Variants in FYB2 observed in about 807,000 individuals in gnomAD.
FYB2 encodes the protein FYN-binding protein 2.
In FYB2, 103 loss-of-function variants were observed where a neutral mutation model predicts 94.1. That is an observed-to-expected ratio of 1.09 (90% confidence interval 0.93 to 1.29). The LOEUF is 1.29. FYB2 is among the 50% of genes most tolerant of loss of function. FYB2 has a pLI of 0.00. For missense variants in FYB2, 896 were observed against 841.5 expected, an observed-to-expected ratio of 1.06 and a Z score of -0.80; for synonymous variants, 293 against 287.9, an observed-to-expected ratio of 1.02 and a Z score of -0.18.
chr1:56,740,799 A>G lies in FYB2; in HGVS notation c.1605-4T>C, dbSNP rs774721651. 3 of 1,574,982 alleles carry G rather than the reference A, an allele frequency of 1.9e-6. No homozygotes were observed. Among genetic ancestry groups the G allele is most frequent in the Non-Finnish European group, 2.6e-6 (3 of 1,150,330 alleles). ...GAGTGCTTCTTTTCCATCTAAACTGAGAGGAATCACAGGATATAAGTAACA... is the reference window on the plus strand; with the variant it reads ...GAGTGCTTCTTTTCCATCTAAACTGGGAGGAATCACAGGATATAAGTAACA... On this transcript the variant is annotated splice_region_variant and splice_polypyrimidine_tract_variant and intron_variant, in intron 12 of 19. Transcript: ENST00000343433.
At chr1:56,821,587 A>T (rs1646992506), upstream of FYB2, among the ~76,000 whole-genome samples, 1 of 152,214 alleles carries the variant, frequency 6.6e-6, no homozygotes, top group Non-Finnish European at 1.5e-5. Context: ...GGCCATGGGA[A>T]AATCTCCTGA....
At position 56,751,113 on chromosome 1, in the gene FYB2, T is replaced by C. The variant is rs144488409; in HGVS notation, c.1318A>G (p.Met440Val). The C allele has an allele frequency of 1.1e-4, 182 of 1,612,938 alleles. No individual in the cohort carries two copies. In the African/African-American group the frequency reaches 2.1e-3, roughly 18 times the overall value. The stretch of plus-strand genomic sequence containing the variant: ...GGATTTGTCTGGATGATGTCAATCA[T>C]GGCCTCTTGCTTTCCAGCCAACATG... ...RNMLAGKQEA[M>V]IDIIQTNPCP... is the part of the protein sequence containing the mutation. Residue 440 changes from methionine (M) to valine (V), a missense_variant, in exon 9 of 20, where the codon ATG becomes GTG. Transcript: ENST00000343433.
At chr1:56,756,091 G>T (rs1570014574) in intron 6 of FYB2, among the ~76,000 whole-genome samples, 164 bp from the exon 7 acceptor site, 1 of 152,116 alleles carries the variant, frequency 6.6e-6, no homozygotes, top group Non-Finnish European at 1.5e-5. Flanking sequence ...AACTGTTGCA[G>T]TGGGGCTGAA....
chr1:56,818,233 C>T (rs763401321), intron 1 of FYB2, among the ~76,000 whole-genome samples: 4 of 151,940 alleles, frequency 2.6e-5, no homozygotes, highest in Non-Finnish European at 4.4e-5. Context: ...TACCAACATG[C>T]CCCTGCTCAC....
chr1:56,744,087 G>A lies in FYB2; in HGVS notation c.1503-21C>T, dbSNP rs757702396. 17 of 1,612,394 alleles carry A rather than the reference G, an allele frequency of 1.1e-5. No individual in the cohort carries two copies. The East Asian group carries it at 3.8e-4, about 36-fold the overall frequency. ...TCGGTCTATGGGAGAAAATAACAAA[G>A]ACCATTATTGTACCTTTAAAGTCTC... On this transcript the variant is annotated intron_variant, in intron 10 of 19. Coordinates refer to ENST00000343433, the MANE Select transcript of FYB2 (RefSeq NM_001004303.5).
chr1:56,769,536 TA>T (rs1645705043), intron 4 of FYB2, among the ~76,000 whole-genome samples: 1 of 152,302 alleles, frequency 6.6e-6, no homozygotes, highest in African/African-American at 2.4e-5. Context: ...GCTATACTAT[TA>T]TTTTCCATAA....
chr1:56,759,372 A>G (rs72668357), intron 5 of FYB2, among the ~76,000 whole-genome samples: 17,275 of 152,190 alleles, frequency 0.11, 1,170 homozygotes, highest in Admixed American at 0.2. Flanking sequence ...ACATACTTAT[A>G]CAAACCTAGA....
chr1:56,767,926 T>A lies in FYB2; in HGVS notation c.966A>T (p.Ala322=), dbSNP rs939234677. The change falls in exon 5 of 20, where the codon GCA becomes GCT. Residue 322 remains alanine (A), a synonymous_variant. Coordinates refer to ENST00000343433, the MANE Select transcript of FYB2 (RefSeq NM_001004303.5). ...GSLSPERLFN[A]EFEEPHNYEA... ...CGTAATTATGTGGTTCTTCAAATTC[T>A]GCATTGAAAAGCCTGGAGAAAAAAG... 11 of 1,600,224 alleles carry A rather than the reference T, an allele frequency of 6.9e-6. No individual in the cohort carries two copies. Among genetic ancestry groups the A allele is most frequent in the Middle Eastern group, 3.3e-4 (2 of 6,034 alleles).
rs183717909 is a variant in FYB2, at chr1:56,768,130, T to C, written c.954-192A>G. 7.9e-5 allele frequency among the ~76,000 whole-genome samples: 12 copies of C among 152,256 alleles called. No homozygotes were observed. In the East Asian group the frequency reaches 2.3e-3, roughly 29 times the overall value. On this transcript the variant is annotated intron_variant, in intron 4 of 19. Transcript: ENST00000343433. The stretch of plus-strand genomic sequence containing the variant: ...GATGAAAGATGGCAATGCAAAGACT[T>C]GTGTAAAGATTATACAGTCCACACA...
intron 2 of FYB2, among the ~76,000 whole-genome samples, chr1:56,789,718 A>C (rs1294139350): frequency 6.6e-6 from 1 of 152,108 alleles, no homozygotes; most frequent in Non-Finnish European, 1.5e-5. Context: ...GGCACATTGG[A>C]GGCACTGGTC....
chr1:56,803,500 ATGT>A (rs1646568875), intron 1 of FYB2, among the ~76,000 whole-genome samples: 1 of 152,240 alleles, frequency 6.6e-6, no homozygotes. Context: ...CTGGTTCAGC[ATGT>A]TGTCTTCTGC....
intron 9 of FYB2, among the ~76,000 whole-genome samples, chr1:56,749,513 T>C (rs1351010530): frequency 5.3e-5 from 8 of 152,034 alleles, no homozygotes; most frequent in African/African-American, 1.9e-4. Flanking sequence ...TTTTATCAAT[T>C]TATCAATTAT....
chr1:56,826,167 T>TCCACA, the FYB2 span, among the ~76,000 whole-genome samples: 3 of 152,212 alleles, frequency 2.0e-5, no homozygotes, highest in African/African-American at 7.2e-5. Context: ...CTTCAATCAA[T>TCCACA]GTGGTTCCCT....
chr1:56,815,626 A>G (rs559635300), intron 1 of FYB2, among the ~76,000 whole-genome samples: 1 of 152,262 alleles, frequency 6.6e-6, no homozygotes, highest in South Asian at 2.1e-4. Flanking sequence ...GTGTGTTGGC[A>G]TTTTCTGCCT....
Position 56,815,141 on chromosome 1 carries a change from T to G in FYB2, c.9+4141A>C, listed in dbSNP as rs535921149. Reference sequence around the variant, plus strand: ...TCTTTTTTTAAACTTTCTGCTCTAGTAGCACCTTGCTGCCAACTATCCCCA... The same window carrying G: ...TCTTTTTTTAAACTTTCTGCTCTAGGAGCACCTTGCTGCCAACTATCCCCA... On this transcript the variant is annotated intron_variant, in intron 1 of 19. Coordinates refer to ENST00000343433, the MANE Select transcript of FYB2 (RefSeq NM_001004303.5). Among the ~76,000 whole-genome samples, 3 of 152,282 alleles carry G rather than the reference T, an allele frequency of 2.0e-5. No individual in the cohort carries two copies. In the South Asian group the frequency reaches 6.2e-4, roughly 32 times the overall value.
chr1:56,811,791 G>A (rs115520139), intron 1 of FYB2, among the ~76,000 whole-genome samples: 165 of 152,248 alleles, frequency 1.1e-3, no homozygotes, highest in Non-Finnish European at 2.1e-3. Flanking sequence ...AAAAACAGCA[G>A]CAACATACAC....
At chr1:56,774,260 A>G (rs1265658206) in intron 4 of FYB2, among the ~76,000 whole-genome samples, 1 of 152,186 alleles carries the variant, frequency 6.6e-6, no homozygotes, top group Non-Finnish European at 1.5e-5. Context: ...CACCTCTACC[A>G]GTCTGTGACC....
chr1:56,799,279 A>G (rs1022123835), intron 1 of FYB2, among the ~76,000 whole-genome samples: 1 of 152,064 alleles, frequency 6.6e-6, no homozygotes, highest in Non-Finnish European at 1.5e-5. Context: ...TGACAAATAT[A>G]CCTTTCTTAT....
intron 9 of FYB2, among the ~76,000 whole-genome samples, chr1:56,750,120 T>TA (rs564512950): frequency 1.3e-5 from 2 of 152,134 alleles, no homozygotes; most frequent in Non-Finnish European, 2.9e-5. Flanking sequence ...TCAAGGTGCC[T>TA]ACGGCGTGCC....
Sources: allele counts gnomAD v4.1 joint callset (sites outside exome capture counted in the v4.1 genomes callset), GRCh38; gene constraint gnomAD v4.1.1; transcripts MANE v1.5; gene names NCBI Gene and HGNC (gene_info 2026-07-23, HGNC 2026-07-21).